Variants in AASS observed in about 807,000 individuals in gnomAD.
The protein encoded by AASS is aminoadipate-semialdehyde synthase.
Under a neutral mutation model 105.4 loss-of-function variants are expected in AASS, and 86 were observed. That is an observed-to-expected ratio of 0.82 (90% CI 0.69 to 0.98). The LOEUF is 0.98. Among genes scored for constraint, AASS ranks in the 50% least tolerant of loss-of-function variants. The pLI is 0.00. For missense variants in AASS, 1,048 were observed against 1,143.2 expected (o/e 0.92, Z 1.20); for synonymous variants, 381 against 394.8 (o/e 0.96, Z 0.41).
At chr7:122,100,644 T>C (rs898188015) in intron 13 of AASS, among the ~76,000 whole-genome samples, 1 of 151,818 alleles carries the variant, frequency 6.6e-6, no homozygotes, top group African/African-American at 2.4e-5. Context: ...ATGGGTTCCT[T>C]TTTTAATGTG....
intron 8 of AASS, 102 bp downstream of exon 8, chr7:122,116,530 GA>G: frequency 6.8e-7 from 1 of 1,473,162 alleles, no homozygotes; most frequent in Non-Finnish European, 9.4e-7. Flanking sequence ...CTCACAACAG[GA>G]AAACTGAAAG....
intron 19 of AASS, chr7:122,081,816 A>T: frequency 1.9e-6 from 1 of 529,938 alleles, no homozygotes; most frequent in South Asian, 2.3e-5. Context: ...GAGGATATAG[A>T]TACAACCAAT....
intron 2 of AASS, among the ~76,000 whole-genome samples, chr7:122,131,926 T>G (rs530814465): frequency 4.6e-5 from 7 of 152,208 alleles, no homozygotes; most frequent in African/African-American, 1.4e-4. Context: ...TAACCAATTT[T>G]GGGATAATTC....
chr7:122,134,641 T>C (rs1796064536), intron 1 of AASS, among the ~76,000 whole-genome samples: 1 of 152,214 alleles, frequency 6.6e-6, no homozygotes, highest in Non-Finnish European at 1.5e-5. Context: ...AAAGTATTGG[T>C]CCTCAACAGA....
chr7:122,125,844 C>T (rs1354392556), intron 4 of AASS, among the ~76,000 whole-genome samples: 2 of 152,158 alleles, frequency 1.3e-5, no homozygotes, highest in Non-Finnish European at 2.9e-5. Flanking sequence ...GGAACCTCTA[C>T]TTTTATTTTT....
In AASS at chr7:122,081,612, T is replaced by C; in HGVS notation, c.2185-17A>G. The C allele has an allele frequency of 6.4e-7, 1 of 1,562,316 alleles. No individual in the cohort carries two copies. Among genetic ancestry groups the C allele is most frequent in the Non-Finnish European group, 8.8e-7 (1 of 1,133,280 alleles). ...CATATATCCCTGAAACAAGAATTAA[T>C]AAGCAGTATATAAAATTTTTCTCTT... On this transcript the variant is annotated splice_polypyrimidine_tract_variant and intron_variant, in intron 19 of 23. Transcript: ENST00000417368.
chr7:122,135,014 T>C (rs1229983968), intron 1 of AASS, among the ~76,000 whole-genome samples: 1 of 152,042 alleles, frequency 6.6e-6, no homozygotes. Context: ...CTGAGCAAAC[T>C]ATCACAAGGA....
At chr7:122,123,505 C>A (rs776835718) in intron 4 of AASS, among the ~76,000 whole-genome samples, 37 of 152,188 alleles carry the variant, frequency 2.4e-4, no homozygotes, top group Non-Finnish European at 1.5e-5. Flanking sequence ...CTCAGTTAAT[C>A]TTTCACAGAT....
intron 2 of AASS, among the ~76,000 whole-genome samples, chr7:122,131,371 T>C (rs1259622126): frequency 6.6e-6 from 1 of 151,656 alleles, no homozygotes; most frequent in Non-Finnish European, 1.5e-5. Flanking sequence ...GTAAACTTCA[T>C]TTAGTGGGCT....
intron 23 of AASS, among the ~76,000 whole-genome samples, chr7:122,077,075 C>T (rs1793052450): frequency 6.6e-6 from 1 of 152,170 alleles, no homozygotes; most frequent in South Asian, 2.1e-4. Context: ...CACAATGACC[C>T]CAACTTTTAT....
chr7:122,099,424 A>G (rs1794326495), intron 13 of AASS, among the ~76,000 whole-genome samples: 2 of 151,944 alleles, frequency 1.3e-5, no homozygotes, highest in Admixed American at 1.3e-4. Context: ...GGTTAAATGT[A>G]GAAGCTGAAG....
chr7:122,103,589 A>C (rs1056298195), intron 11 of AASS, among the ~76,000 whole-genome samples: 3 of 152,084 alleles, frequency 2.0e-5, no homozygotes, highest in African/African-American at 7.2e-5. Flanking sequence ...CACTCTGCAA[A>C]ACATAGGTAT....
At chr7:122,099,819 T>A (rs1794342273) in intron 13 of AASS, among the ~76,000 whole-genome samples, 1 of 151,878 alleles carries the variant, frequency 6.6e-6, no homozygotes, top group Non-Finnish European at 1.5e-5. Flanking sequence ...TCCTTCTGTA[T>A]CCCAACACAC....
In AASS at chr7:122,075,150, A is replaced by T. The variant is rs1368353008; in HGVS notation, c.*1339T>A. 6.6e-6 allele frequency among the ~76,000 whole-genome samples: 1 copy of T among 152,216 alleles called. No individual in the cohort carries two copies. Reference sequence around the variant, plus strand: ...CAGACTCCCAAAGTGTTGGGATTACAGGCACAAGCCACCAAGCTTGACCAT... The same window carrying T: ...CAGACTCCCAAAGTGTTGGGATTACTGGCACAAGCCACCAAGCTTGACCAT... On this transcript the variant is annotated 3_prime_UTR_variant, in exon 24 of 24. Transcript: ENST00000417368.
intron 8 of AASS, among the ~76,000 whole-genome samples, chr7:122,115,649 C>T (rs1036654279): frequency 1.3e-5 from 2 of 152,098 alleles, no homozygotes; most frequent in Admixed American, 1.3e-4. Flanking sequence ...CCCCATTCCT[C>T]AAAGGAATGC....
At chr7:122,137,563 G>GA (rs917180330) in intron 1 of AASS, among the ~76,000 whole-genome samples, 7 of 151,636 alleles carry the variant, frequency 4.6e-5, no homozygotes, top group Non-Finnish European at 2.9e-5. Context: ...TGGGTGCTTA[G>GA]AAAAAAAATG....
chr7:122,105,399 CT>C (rs1794623487), intron 11 of AASS, among the ~76,000 whole-genome samples: 1 of 151,996 alleles, frequency 6.6e-6, no homozygotes, highest in Non-Finnish European at 1.5e-5. Flanking sequence ...AAATATAGAA[CT>C]TTTTATCCAG....
intron 11 of AASS, among the ~76,000 whole-genome samples, chr7:122,105,646 C>T (rs1794634132): frequency 6.6e-6 from 1 of 151,768 alleles, no homozygotes; most frequent in South Asian, 2.1e-4. Flanking sequence ...AATAGAGAAA[C>T]TAAAAGGGAA....
chr7:122,127,955 A>G (rs1429377071), intron 3 of AASS, among the ~76,000 whole-genome samples: 13 of 152,034 alleles, frequency 8.6e-5, no homozygotes, highest in Admixed American at 8.5e-4. Flanking sequence ...AACTTGGCAG[A>G]CCCTAAACTC....
Sources: gnomAD v4.1 joint callset for allele counts (sites outside exome capture counted in the v4.1 genomes callset) on GRCh38, gnomAD v4.1.1 for gene constraint, MANE v1.5 for transcripts, NCBI Gene and HGNC (gene_info 2026-07-23, HGNC 2026-07-21) for gene names.